Variants in ANXA5 observed in about 807,000 individuals in gnomAD.
ANXA5 encodes the protein annexin A5.
Under a neutral mutation model 48.1 loss-of-function variants are expected in ANXA5, and 40 were observed. The observed-to-expected ratio is 0.83, with a 90% CI of 0.65 to 1.08. ANXA5 has a LOEUF of 1.08. Ranked by LOEUF, ANXA5 falls within the 50% of genes least tolerant of loss-of-function variation. The pLI is 0.00. For synonymous variants in ANXA5, 113 were observed against 129.1 expected, an observed-to-expected ratio of 0.88 and a Z score of 0.85; for missense variants, 357 against 376.8, an observed-to-expected ratio of 0.95 and a Z score of 0.44.
In ANXA5 at chr4:121,696,853, G is replaced by C. The variant is rs1725093959; in HGVS notation, c.-36+10C>G. 1 of 347,848 alleles carries C rather than the reference G, an allele frequency of 2.9e-6. No homozygotes were observed. Among genetic ancestry groups the C allele is most frequent in the Non-Finnish European group, 5.2e-6 (1 of 193,296 alleles). 21.5% of individuals were successfully genotyped at this position (347,848 alleles called of 1,614,324 possible). A position where few individuals can be genotyped will look rare whatever the true frequency, so the allele number is the denominator to read the frequency against. ...AGAAGGAGCCCCCTCCCCGGGCTGC[G>C]ACCACTCACCCAGACTGTGGGACCC... On this transcript the variant is annotated intron_variant, in intron 1 of 12. Coordinates refer to ENST00000296511, the MANE Select transcript of ANXA5 (RefSeq NM_001154.4).
At position 121,668,569 on chromosome 4, in the gene ANXA5, A is replaced by G. The variant is rs764507875; in HGVS notation, c.904-42T>C. 4 of 1,580,256 alleles carry G rather than the reference A, an allele frequency of 2.5e-6. No homozygotes were observed. The South Asian group carries it at 4.4e-5, about 18-fold the overall frequency. ...TCCATTAACCTCCATGACTCACAGA[A>G]GCCATAGAAAATTTTAAAACTAAAT... On this transcript the variant is annotated intron_variant, in intron 12 of 12. Coordinates refer to ENST00000296511, the MANE Select transcript of ANXA5 (RefSeq NM_001154.4).
rs374695612 is a variant in ANXA5, at chr4:121,687,989, A to G, written c.10-1617T>C. On this transcript the variant is annotated intron_variant, in intron 2 of 12. Coordinates refer to ENST00000296511, the MANE Select transcript of ANXA5 (RefSeq NM_001154.4). ...CTCAAAATTCATATGTTGAAACCCT[A>G]CCCCACCACATGACGGTAAATAGGA... is the stretch of plus-strand genomic sequence containing the variant. 3.9e-5 allele frequency among the ~76,000 whole-genome samples: 6 copies of G among 152,014 alleles called. No homozygotes were observed. In the East Asian group the frequency reaches 1.2e-3, roughly 29 times the overall value.
intron 2 of ANXA5, among the ~76,000 whole-genome samples, chr4:121,693,769 G>A (rs189257255): frequency 8.5e-5 from 13 of 152,272 alleles, no homozygotes; most frequent in East Asian, 7.7e-4. Flanking sequence ...CACAGGCCAC[G>A]GGTAAACAGG....
At chr4:121,673,477 G>A (rs1724645161) in intron 8 of ANXA5, among the ~76,000 whole-genome samples, 1 of 152,122 alleles carries the variant, frequency 6.6e-6, no homozygotes, top group Non-Finnish European at 1.5e-5. Context: ...CTTGCAGTTG[G>A]CCTTATACCC....
At chr4:121,683,237 T>A (rs985583670) in intron 5 of ANXA5, 127 bp downstream of exon 5, 1 of 496,874 alleles carries the variant, frequency 2.0e-6, no homozygotes, top group Non-Finnish European at 3.5e-6. Context: ...CCCAGTTTTG[T>A]CTGCCAAGCA....
chr4:121,679,310 T>C (rs983863523), intron 6 of ANXA5, among the ~76,000 whole-genome samples: 1 of 152,186 alleles, frequency 6.6e-6, no homozygotes, highest in African/African-American at 2.4e-5. Flanking sequence ...CATTAAATCC[T>C]ATCACGTTTC....
At chr4:121,687,033 G>A (rs1225190285) in intron 2 of ANXA5, among the ~76,000 whole-genome samples, 2 of 152,134 alleles carry the variant, frequency 1.3e-5, no homozygotes, top group East Asian at 1.9e-4. Context: ...TCGGCTGGGC[G>A]CAGTGGCTCA....
intron 4 of ANXA5, among the ~76,000 whole-genome samples, chr4:121,684,296 T>A (rs1437792815): frequency 6.6e-6 from 1 of 152,106 alleles, no homozygotes; most frequent in African/African-American, 2.4e-5. Flanking sequence ...GTTAAAATCA[T>A]GACAAAAGGA....
intron 6 of ANXA5, among the ~76,000 whole-genome samples, chr4:121,678,938 C>G (rs1724745634): frequency 6.6e-6 from 1 of 151,982 alleles, no homozygotes; most frequent in African/African-American, 2.4e-5. Flanking sequence ...AGGTATTTTT[C>G]CTCTGCAGAA....
chr4:121,692,915 C>T (rs569904242), intron 2 of ANXA5, among the ~76,000 whole-genome samples: 1 of 152,184 alleles, frequency 6.6e-6, no homozygotes, highest in Non-Finnish European at 1.5e-5. Context: ...TGAATGCATG[C>T]ATGGATGAAA....
chr4:121,671,104 A>G (rs1425461158), intron 10 of ANXA5, among the ~76,000 whole-genome samples: 2 of 152,200 alleles, frequency 1.3e-5, no homozygotes, highest in Non-Finnish European at 1.5e-5. Flanking sequence ...GAAAACAACC[A>G]TCATCACATC....
At chr4:121,683,224 C>A in intron 5 of ANXA5, 140 bp downstream of exon 5, 1 of 465,198 alleles carries the variant, frequency 2.1e-6, no homozygotes, top group Non-Finnish European at 3.9e-6. Flanking sequence ...CTGCTTATTG[C>A]CTCCCAGTTT....
intron 2 of ANXA5, among the ~76,000 whole-genome samples, chr4:121,687,931 C>T (rs1724920705): frequency 6.6e-6 from 1 of 152,186 alleles, no homozygotes; most frequent in African/African-American, 2.4e-5. Flanking sequence ...GGTATCTGAT[C>T]ACCCTCTGTT....
chr4:121,687,082 G>A (rs1037278660), intron 2 of ANXA5, among the ~76,000 whole-genome samples: 18 of 152,094 alleles, frequency 1.2e-4, no homozygotes, highest in African/African-American at 2.4e-4. Context: ...TGAGGCAGGC[G>A]GATCACAAGG....
chr4:121,687,268 C>A (rs1163818755), intron 2 of ANXA5, among the ~76,000 whole-genome samples: 13 of 149,922 alleles, frequency 8.7e-5, no homozygotes, highest in African/African-American at 3.2e-4. Context: ...CCACTGCACT[C>A]CAGCCAAGGT....
At chr4:121,673,616 A>C (rs1643545292) in intron 8 of ANXA5, among the ~76,000 whole-genome samples, 1 of 152,180 alleles carries the variant, frequency 6.6e-6, no homozygotes, top group African/African-American at 2.4e-5. Context: ...TTTCTGGAGA[A>C]TAAGAAAAAA....
chr4:121,696,356 T>A (rs1317347529), intron 2 of ANXA5, among the ~76,000 whole-genome samples: 1 of 150,466 alleles, frequency 6.6e-6, no homozygotes, highest in Non-Finnish European at 1.5e-5. Flanking sequence ...GAAGGCAGCT[T>A]GGCGGCGTCG....
At chr4:121,687,490 A>C (rs1247157573) in intron 2 of ANXA5, among the ~76,000 whole-genome samples, 1 of 152,154 alleles carries the variant, frequency 6.6e-6, no homozygotes, top group Non-Finnish European at 1.5e-5. Context: ...CAAACAGCTA[A>C]AAGGACTGTA....
At chr4:121,671,775 C>G (rs1724616898) in intron 9 of ANXA5, 133 bp from the exon 10 acceptor site, 1 of 649,540 alleles carries the variant, frequency 1.5e-6, no homozygotes, top group Admixed American at 2.5e-5. Flanking sequence ...ACCTTGTGCT[C>G]AAAGCCTCAA....
Sources: allele counts gnomAD v4.1 joint callset (sites outside exome capture counted in the v4.1 genomes callset), GRCh38; gene constraint gnomAD v4.1.1; transcripts MANE v1.5; gene names NCBI Gene and HGNC (gene_info 2026-07-23, HGNC 2026-07-21).